The following NFAT5 variants were observed in gnomAD, a reference collection of about 807,000 sequenced individuals.
The protein encoded by NFAT5 is nuclear factor of activated T cells 5.
In NFAT5, 31 loss-of-function variants were observed where a neutral mutation model predicts 166.5. The observed-to-expected ratio is 0.19, with a 90% confidence interval of 0.14 to 0.25. NFAT5 has a LOEUF of 0.25. NFAT5 is among the 10% of genes least tolerant of loss of function. NFAT5 has a pLI of 1.00. For synonymous variants in NFAT5, 612 were observed against 639.7 expected (o/e 0.96, Z 0.65); for missense variants, 1,449 against 1,821.8 (o/e 0.80, Z 3.72).
chr16:69,609,819 G>GAAAAAAAAAAA (rs1157655325), intron 2 of NFAT5, among the ~76,000 whole-genome samples: 1 of 75,320 alleles, frequency 1.3e-5, no homozygotes, highest in Non-Finnish European at 2.7e-5. Context: ...TGTCTCTACT[G>GAAAAAAAAAAA]AAAAAAAAAA....
chr16:69,599,593 G>A (rs186602714), intron 2 of NFAT5, among the ~76,000 whole-genome samples: 2 of 152,220 alleles, frequency 1.3e-5, no homozygotes. Flanking sequence ...ATAATGTTGG[G>A]AGTGAAAAAA....
intron 7 of NFAT5, 71 bp downstream of exon 7, chr16:69,659,970 T>C (rs2036052462): frequency 7.7e-7 from 1 of 1,302,836 alleles, no homozygotes. Context: ...TTTAGACATC[T>C]CTAAATTTTA....
At chr16:69,641,505 T>A (rs2035213885) in intron 3 of NFAT5, among the ~76,000 whole-genome samples, 1 of 152,228 alleles carries the variant, frequency 6.6e-6, no homozygotes, top group Non-Finnish European at 1.5e-5. Flanking sequence ...GGGATCAAAT[T>A]TTAATCTTGG....
chr16:69,676,846 T>C lies in NFAT5; in HGVS notation c.1558-357T>C, dbSNP rs117898428. 7.3e-3 allele frequency: 1,264 copies of C among 172,032 alleles called. 6 individuals are homozygous for C. The highest frequency in any genetic ancestry group is 0.012 in the Non-Finnish European group (972 of 81,478). 10.7% of individuals were successfully genotyped at this position (172,032 alleles called of 1,614,324 possible). On this transcript the variant is annotated intron_variant, in intron 9 of 14. Coordinates refer to ENST00000349945, the MANE Select transcript of NFAT5 (RefSeq NM_138713.4). Reference sequence around the variant, plus strand: ...CATTTGAGGAGGTGAAGGAATAATATTGCAATTGAAGAGAATAACAAGTAT... The same window carrying C: ...CATTTGAGGAGGTGAAGGAATAATACTGCAATTGAAGAGAATAACAAGTAT...
intron 2 of NFAT5, among the ~76,000 whole-genome samples, chr16:69,620,034 C>T (rs2034128633): frequency 1.3e-5 from 2 of 152,172 alleles, no homozygotes; most frequent in Non-Finnish European, 2.9e-5. Flanking sequence ...TTATAGTTTA[C>T]AGAATGACTA....
At chr16:69,619,115 A>G (rs2034086488) in intron 2 of NFAT5, among the ~76,000 whole-genome samples, 1 of 152,212 alleles carries the variant, frequency 6.6e-6, no homozygotes. Context: ...AAAGTCATAA[A>G]GTAGATGGGC....
rs1408894546 is a variant in NFAT5, at chr16:69,703,525, ATCT to A, written c.*7180_*7182del. On this transcript the variant is annotated 3_prime_UTR_variant, in exon 15 of 15. Coordinates refer to ENST00000349945, the MANE Select transcript of NFAT5 (RefSeq NM_138713.4). ...ATTCAGTACCTCCATAATTGTTCTA[ATCT>A]TCTTCCCACTGTTTACAAATTACCA... 2.0e-5 allele frequency: 3 copies of A among 152,616 alleles called. No individual in the cohort carries two copies. The highest frequency in any genetic ancestry group is 2.0e-4 in the Admixed American group (3 of 15,270). 9.5% of individuals were successfully genotyped at this position (152,616 alleles called of 1,614,324 possible).
intron 10 of NFAT5, among the ~76,000 whole-genome samples, chr16:69,681,079 A>G (rs899640543): frequency 6.6e-6 from 1 of 152,146 alleles, no homozygotes; most frequent in African/African-American, 2.4e-5. Flanking sequence ...TATGAAATGT[A>G]ATAATCTTTT....
In NFAT5 at chr16:69,583,737, CT is replaced by C. The variant is rs577732450; in HGVS notation, c.127+15192del. 2.2e-3 allele frequency among the ~76,000 whole-genome samples: 339 copies of C among 152,096 alleles called. 2 individuals are homozygous for C. Among genetic ancestry groups the C allele is most frequent in the South Asian group, 5.8e-3 (28 of 4,812 alleles). ...ATTTTTGTAACACCTGGCACAAATG[CT>C]TTGTATTTGAAAGGTTCTTGATATT... On this transcript the variant is annotated intron_variant, in intron 2 of 14. Transcript: ENST00000349945.
Position 69,694,132 on chromosome 16 carries a change from A to C in NFAT5, c.4307A>C (p.Gln1436Pro). The C allele has an allele frequency of 6.2e-7, 1 of 1,614,218 alleles. No individual in the cohort carries two copies. Among genetic ancestry groups the C allele is most frequent in the South Asian group, 1.1e-5 (1 of 91,084 alleles). Residue 1436 changes from glutamine to proline, a missense_variant, in exon 13 of 15, where the codon CAG (glutamine) becomes CCG (proline). This residue lies in a region of NFAT5 where 891 missense variants were observed against 993.0 expected (regional missense o/e 0.90). Transcript: ENST00000349945. ...IQGATSSPQPQATLFHNTAGG... is the reference protein window; with the variant it reads ...IQGATSSPQPPATLFHNTAGG... ...GGAGCCACATCTTCGCCTCAACCACAGGCTACTTTATTTCACAACACAGCA... is the reference window on the plus strand; with the variant it reads ...GGAGCCACATCTTCGCCTCAACCACCGGCTACTTTATTTCACAACACAGCA...
rs187094603 is a variant in NFAT5, at chr16:69,652,536, C to G, written c.813-700C>G. Among the ~76,000 whole-genome samples the G allele has an allele frequency of 1.8e-3, 273 of 151,136 alleles. 1 individual carries two copies. The highest frequency in any genetic ancestry group is 0.017 in the Middle Eastern group (5 of 292). On this transcript the variant is annotated intron_variant, in intron 4 of 14. Coordinates refer to ENST00000349945, the MANE Select transcript of NFAT5 (RefSeq NM_138713.4). ...TTTATTGAGGGCTTTAATTACTTAA[C>G]TAATCACAGATAAAAATAATCTGAA...
chr16:69,661,539 T>TAAAAA (rs1037382239), intron 7 of NFAT5, among the ~76,000 whole-genome samples: 730 of 37,904 alleles, frequency 0.019, 49 homozygotes, highest in East Asian at 0.15. Context: ...CCCAGTCTCT[T>TAAAAA]AAAAAAAAAA....
At chr16:69,670,395 A>T in intron 9 of NFAT5, 107 bp downstream of exon 9, 1 of 647,718 alleles carries the variant, frequency 1.5e-6, no homozygotes. Context: ...TTCCTATGGG[A>T]TTGATATGAA....
chr16:69,671,898 A>G (rs550733900), intron 9 of NFAT5, among the ~76,000 whole-genome samples: 1 of 152,226 alleles, frequency 6.6e-6, no homozygotes, highest in Non-Finnish European at 1.5e-5. Context: ...ACCTGATTAT[A>G]TACTGCCCAT....
chr16:69,582,374 G>A (rs974848722), intron 2 of NFAT5, among the ~76,000 whole-genome samples: 2 of 151,998 alleles, frequency 1.3e-5, no homozygotes, highest in South Asian at 2.1e-4. Context: ...TTTGGTAAAA[G>A]CCAATTTATT....
chr16:69,594,861 G>A (rs1454517696), intron 2 of NFAT5, among the ~76,000 whole-genome samples: 4 of 152,164 alleles, frequency 2.6e-5, no homozygotes, highest in Admixed American at 2.6e-4. Context: ...AAGCTGAGGA[G>A]CAGGGAAGCC....
At chr16:69,599,587 T>A (rs527264089) in intron 2 of NFAT5, among the ~76,000 whole-genome samples, 11 of 151,954 alleles carry the variant, frequency 7.2e-5, no homozygotes, top group Non-Finnish European at 1.5e-4. Context: ...AATAAAATAA[T>A]GTTGGGAGTG....
At position 69,568,334 on chromosome 16, in the gene NFAT5, G is replaced by GTATA. The variant is rs371948858; in HGVS notation, c.74-151_74-148dup. On this transcript the variant is annotated intron_variant, in intron 1 of 14. Transcript: ENST00000349945. ...AAACTCCGTTTCAAAATGTATGTGTGTATATATATATATGTGTGTGTGTGT... is the reference window on the plus strand; with the variant it reads ...AAACTCCGTTTCAAAATGTATGTGTGTATATATATATATATATGTGTGTGTGTGT... 8.9e-4 allele frequency among the ~76,000 whole-genome samples: 119 copies of GTATA among 133,350 alleles called. 1 individual carries two copies. Among genetic ancestry groups the GTATA allele is most frequent in the South Asian group, 3.7e-3 (14 of 3,810 alleles). The allele number at this position is 133,350 out of a possible 152,430, so 87.5% of individuals were successfully genotyped here.
intron 2 of NFAT5, among the ~76,000 whole-genome samples, chr16:69,594,928 C>T (rs138089975): frequency 6.6e-6 from 1 of 152,224 alleles, no homozygotes; most frequent in Non-Finnish European, 1.5e-5. Flanking sequence ...CAGGAAACAT[C>T]GAGCAAGGGA....
Sources: gnomAD v4.1 joint callset for allele counts (sites outside exome capture counted in the v4.1 genomes callset) on GRCh38, gnomAD v4.1.1 for gene constraint, gnomAD v4.1.1 regional missense constraint, MANE v1.5 for transcripts, NCBI Gene and HGNC (gene_info 2026-07-23, HGNC 2026-07-21) for gene names.